The following FBXO21 variants were observed in gnomAD, a reference collection of about 807,000 sequenced individuals.
The protein encoded by FBXO21 is F-box only protein 21.
In FBXO21, 32 loss-of-function variants were observed where a neutral mutation model predicts 76.6. The ratio of observed to expected loss-of-function variants is 0.42; its 90% CI spans 0.32 to 0.56. FBXO21 has a LOEUF of 0.56. FBXO21 is among the 20% of genes least tolerant of loss of function. The pLI, the probability that FBXO21 is intolerant of heterozygous loss-of-function variation, is 0.16. For missense variants in FBXO21, 586 were observed against 797.3 expected (o/e 0.73, Z 3.19); for synonymous variants, 328 against 311.5 (o/e 1.05, Z -0.56).
At chr12:117,171,936 A>C (rs556454573) in intron 7 of FBXO21, among the ~76,000 whole-genome samples, 9 of 152,210 alleles carry the variant, frequency 5.9e-5, no homozygotes, top group Non-Finnish European at 1.3e-4. Context: ...CCAGGTCTCT[A>C]AAATTCTCAT....
At chr12:117,181,007 G>A (rs996996600) in intron 3 of FBXO21, among the ~76,000 whole-genome samples, 1 of 152,138 alleles carries the variant, frequency 6.6e-6, no homozygotes, top group African/African-American at 2.4e-5. Flanking sequence ...TATTTATACT[G>A]ACATGTCTTA....
In FBXO21 at chr12:117,166,017, C is replaced by T. The variant is rs140164297; in HGVS notation, c.1194-400G>A. 2.4e-3 allele frequency among the ~76,000 whole-genome samples: 372 copies of T among 152,174 alleles called. 2 individuals carry two copies. Among genetic ancestry groups the T allele is most frequent in the Admixed American group, 4.3e-3 (66 of 15,266 alleles). ...CCAGCCTGACCAACATTGAGAAACC[C>T]CGTCTCTACTAAAAATACAAAAATT... On this transcript the variant is annotated intron_variant, in intron 8 of 11. Transcript: ENST00000622495.
At chr12:117,172,348 A>C in intron 7 of FBXO21, 123 bp downstream of exon 7, 2 of 1,052,442 alleles carry the variant, frequency 1.9e-6, no homozygotes, top group Non-Finnish European at 2.8e-6. Context: ...CAGTTCCATC[A>C]CCACCCTAGT....
intron 9 of FBXO21, among the ~76,000 whole-genome samples, chr12:117,162,658 G>A (rs1316585520): frequency 6.6e-6 from 1 of 152,120 alleles, no homozygotes; most frequent in Non-Finnish European, 1.5e-5. Context: ...TCAATAACAA[G>A]ACAACCTTCA....
chr12:117,143,973 A>G lies in FBXO21; in HGVS notation c.*2114T>C, dbSNP rs1017525647. On this transcript the variant is annotated 3_prime_UTR_variant, in exon 12 of 12. Transcript: ENST00000622495. ...TAAAAAGAAACTTATGATTTATTAG[A>G]GTACAGGATCCAAAACACGTTTTTA... The G allele has an allele frequency of 6.5e-6, 1 of 152,672 alleles. No individual in the cohort carries two copies. Among genetic ancestry groups the G allele is most frequent in the Non-Finnish European group, 1.5e-5 (1 of 68,044 alleles). The allele number at this position is 152,672 out of a possible 1,614,324, so 9.5% of individuals were successfully genotyped here.
At chr12:117,164,389 G>C (rs962028180) in intron 9 of FBXO21, among the ~76,000 whole-genome samples, 2 of 149,858 alleles carry the variant, frequency 1.3e-5, no homozygotes, top group Non-Finnish European at 2.9e-5. Context: ...CAATTCTCTT[G>C]CCTCAGCCTC....
At chr12:117,174,630 G>A in intron 5 of FBXO21, 21 bp downstream of exon 5, 4 of 1,610,982 alleles carry the variant, frequency 2.5e-6, no homozygotes, top group Non-Finnish European at 3.4e-6. Flanking sequence ...AAATACAGCT[G>A]GATCCAAAGC....
rs964305557 is a variant in FBXO21, at chr12:117,143,464, A to G, written c.*2623T>C. 3 of 152,256 alleles carry G rather than the reference A, an allele frequency of 2.0e-5. No homozygotes were observed. Among genetic ancestry groups the G allele is most frequent in the African/African-American group, 4.8e-5 (2 of 41,466 alleles). 9.4% of individuals were successfully genotyped at this position (152,256 alleles called of 1,614,324 possible). A position where few individuals can be genotyped will look rare whatever the true frequency, so the allele number is the denominator to read the frequency against. ...CAGCACAGCCATTCAAATCAACGGC[A>G]ACAGAACGCACGAAGAACCTGGTTT... On this transcript the variant is annotated 3_prime_UTR_variant, in exon 12 of 12. Transcript: ENST00000622495.
At chr12:117,147,268 A>G (rs1305289296) in intron 11 of FBXO21, among the ~76,000 whole-genome samples, 1 of 143,952 alleles carries the variant, frequency 6.9e-6, no homozygotes, top group African/African-American at 2.6e-5. Context: ...AGAAAGAAAT[A>G]GAAAATAAGA....
At chr12:117,162,059 TAA>T (rs1955985175) in intron 9 of FBXO21, among the ~76,000 whole-genome samples, 1 of 152,168 alleles carries the variant, frequency 6.6e-6, no homozygotes, top group Admixed American at 6.5e-5. Flanking sequence ...GGAGGCAGAC[TAA>T]GAGCTTCAGC....
chr12:117,157,326 A>G (rs1244165085), intron 10 of FBXO21, among the ~76,000 whole-genome samples: 2 of 152,242 alleles, frequency 1.3e-5, no homozygotes, highest in Non-Finnish European at 2.9e-5. Context: ...AGAAATTAAA[A>G]CCACAGTGAA....
At position 117,143,294 on chromosome 12, in the gene FBXO21, A is replaced by G. The variant is rs1955734607; in HGVS notation, c.*2793T>C. 1 of 152,162 alleles carries G rather than the reference A, an allele frequency of 6.6e-6. No homozygotes were observed. The highest frequency in any genetic ancestry group is 1.9e-4 in the East Asian group (1 of 5,188). The allele number at this position is 152,162 out of a possible 1,614,324, so 9.4% of individuals were successfully genotyped here. On this transcript the variant is annotated 3_prime_UTR_variant, in exon 12 of 12. Coordinates refer to ENST00000622495, the MANE Select transcript of FBXO21 (RefSeq NM_015002.3). ...CACTTCTCTTAGAAAGTCACGACGCACAGTACTGTGCGTCACAGGTATTGA... is the reference window on the plus strand; with the variant it reads ...CACTTCTCTTAGAAAGTCACGACGCGCAGTACTGTGCGTCACAGGTATTGA...
chr12:117,190,415 C>T lies in FBXO21; in HGVS notation c.42G>A (p.Pro14=). The T allele has an allele frequency of 6.8e-7, 1 of 1,477,618 alleles. No individual in the cohort carries two copies. Among genetic ancestry groups the T allele is most frequent in the South Asian group, 1.3e-5 (1 of 78,940 alleles). The allele number at this position is 1,477,618 out of a possible 1,614,324, so 91.5% of individuals were successfully genotyped here. A position where few individuals can be genotyped will look rare whatever the true frequency, so the allele number is the denominator to read the frequency against. The change falls in exon 1 of 12, where the codon CCG becomes CCA. Residue 14 remains proline, a synonymous_variant. Coordinates refer to ENST00000622495, the MANE Select transcript of FBXO21 (RefSeq NM_015002.3). The part of the protein sequence containing the change: ...AAVDSAMEVV[P]ALAEEAAPEV... ...CCGGCGCGGCCTCCTCCGCCAGCGC[C>T]GGCACCACCTCCATCGCGCTGTCGA...
chr12:117,148,101 C>T lies in FBXO21; in HGVS notation c.1676-1824G>A, dbSNP rs766475977. ...TGAACGCAGGCATCTTTCTGAAGCA[C>T]TGACTTTAACTGGTAGTCTTTGGGG... On this transcript the variant is annotated intron_variant, in intron 11 of 11. Coordinates refer to ENST00000622495, the MANE Select transcript of FBXO21 (RefSeq NM_015002.3). Among the ~76,000 whole-genome samples, 55 of 152,314 alleles carry T rather than the reference C, an allele frequency of 3.6e-4. 1 individual carries two copies. Among genetic ancestry groups the T allele is most frequent in the Middle Eastern group, 6.8e-3 (2 of 294 alleles).
chr12:117,186,989 G>C (rs908788983), intron 2 of FBXO21, among the ~76,000 whole-genome samples: 2 of 152,120 alleles, frequency 1.3e-5, no homozygotes, highest in Non-Finnish European at 2.9e-5. Context: ...AGCCAGGCAT[G>C]CCTGTAATCC....
chr12:117,146,064 A>C lies in FBXO21; in HGVS notation c.*23T>G. Reference sequence around the variant, plus strand: ...TCTTGGAAGATAGCAGCAGCAGCAAAGGTGCAATGTCCTCTCTAGACTTTA... The same window carrying C: ...TCTTGGAAGATAGCAGCAGCAGCAACGGTGCAATGTCCTCTCTAGACTTTA... On this transcript the variant is annotated 3_prime_UTR_variant, in exon 12 of 12. Coordinates refer to ENST00000622495, the MANE Select transcript of FBXO21 (RefSeq NM_015002.3). 6.5e-7 allele frequency: 1 copy of C among 1,526,826 alleles called. No homozygotes were observed. Among genetic ancestry groups the C allele is most frequent in the Non-Finnish European group, 8.8e-7 (1 of 1,136,510 alleles). 94.6% of individuals were successfully genotyped at this position (1,526,826 alleles called of 1,614,324 possible).
At chr12:117,153,863 A>AT (rs1294813077) in intron 11 of FBXO21, among the ~76,000 whole-genome samples, 2 of 152,216 alleles carry the variant, frequency 1.3e-5, no homozygotes, top group Admixed American at 1.3e-4. Flanking sequence ...GCAGATATTA[A>AT]TTTTTTCAGT....
intron 7 of FBXO21, among the ~76,000 whole-genome samples, chr12:117,169,900 C>A (rs1350422097): frequency 6.6e-6 from 1 of 151,938 alleles, no homozygotes; most frequent in East Asian, 1.9e-4. Flanking sequence ...AAAGATCTAA[C>A]CAGCAGAGTA....
In FBXO21 at chr12:117,165,596, G is replaced by C; in HGVS notation, c.1215C>G (p.Tyr405Ter). ...LGKREGIDQS[Y>*]QLLRDSLDLY... ...GATCCAGCGAGTCTCTCAGGAGCTG[G>C]TATGACTGGTCGATGCCTTCCCTAG... The change falls in exon 9 of 12, where the codon TAC becomes TAG. Residue 405 changes from tyrosine (Y) to a stop codon, truncating the protein, a stop_gained. Coordinates refer to ENST00000622495, the MANE Select transcript of FBXO21 (RefSeq NM_015002.3). LOFTEE classifies it high-confidence loss of function. The C allele has an allele frequency of 6.2e-7, 1 of 1,611,846 alleles. No individual in the cohort carries two copies. Among genetic ancestry groups the C allele is most frequent in the Non-Finnish European group, 8.5e-7 (1 of 1,178,476 alleles).
Sources: allele counts gnomAD v4.1 joint callset (sites outside exome capture counted in the v4.1 genomes callset), GRCh38; gene constraint gnomAD v4.1.1; transcripts MANE v1.5; gene names NCBI Gene and HGNC (gene_info 2026-07-23, HGNC 2026-07-21).